The following PTPN14 variants were observed in gnomAD, a reference collection of about 807,000 sequenced individuals.
PTPN14 encodes tyrosine-protein phosphatase non-receptor type 14.
Under a neutral mutation model 126.8 loss-of-function variants are expected in PTPN14, and 53 were observed. The observed-to-expected ratio is 0.42, with a 90% CI of 0.34 to 0.53. The LOEUF is 0.53. PTPN14 is among the 20% of genes least tolerant of loss of function. The pLI, the probability that PTPN14 is intolerant of heterozygous loss-of-function variation, is 0.08. For missense variants in PTPN14, 1,257 were observed against 1,552.9 expected (o/e 0.81, Z 3.20); for synonymous variants, 630 against 599.3 (o/e 1.05, Z -0.75).
intron 1 of PTPN14, among the ~76,000 whole-genome samples, chr1:214,539,273 A>G (rs1341034029): frequency 6.6e-6 from 1 of 152,046 alleles, no homozygotes; most frequent in South Asian, 2.1e-4. Flanking sequence ...CATAACATAG[A>G]TTTTTTTTAA....
intron 3 of PTPN14, among the ~76,000 whole-genome samples, chr1:214,431,907 G>A (rs569423723): frequency 8.5e-5 from 13 of 152,328 alleles, no homozygotes; most frequent in African/African-American, 2.9e-4. Context: ...TCAGCCAAGC[G>A]CAGTGGCTCA....
intron 3 of PTPN14, among the ~76,000 whole-genome samples, chr1:214,431,918 C>T (rs917314873): frequency 1.3e-5 from 2 of 152,212 alleles, no homozygotes; most frequent in East Asian, 1.9e-4. Context: ...CAGTGGCTCA[C>T]GCCTATAATC....
chr1:214,431,921 C>T (rs1571996269), intron 3 of PTPN14, among the ~76,000 whole-genome samples: 2 of 152,334 alleles, frequency 1.3e-5, no homozygotes, highest in African/African-American at 2.4e-5. Context: ...TGGCTCACGC[C>T]TATAATCCTA....
At chr1:214,523,122 C>A (rs1655299855) in intron 1 of PTPN14, among the ~76,000 whole-genome samples, 1 of 152,138 alleles carries the variant, frequency 6.6e-6, no homozygotes, top group Non-Finnish European at 1.5e-5. Context: ...TACATTGTCA[C>A]AATATAGGAT....
rs1320692007 is a variant in PTPN14 at position 214,394,900 on chromosome 1, G to A, written c.845C>T (p.Thr282Met). The part of the protein sequence containing the change: ...INKEETALFH[T>M]DDIENAKYIS... The stretch of plus-strand genomic sequence containing the variant: ...TGACTGTTTGTCTGTTGTGCTTACC[G>A]TGTGAAAGAGGGCAGTCTCTTCTTT... Residue 282 changes from threonine (T) to methionine (M), a missense_variant and splice_region_variant, in exon 9 of 19, where the codon ACG becomes ATG. Transcript: ENST00000366956. 13 of 1,610,210 alleles carry A rather than the reference G, an allele frequency of 8.1e-6. No individual in the cohort carries two copies. The highest frequency in any genetic ancestry group is 9.3e-6 in the Non-Finnish European group (11 of 1,176,630).
intron 3 of PTPN14, among the ~76,000 whole-genome samples, chr1:214,442,843 G>A (rs1250033073): frequency 6.8e-6 from 1 of 147,426 alleles, no homozygotes; most frequent in Non-Finnish European, 1.5e-5. Flanking sequence ...TTCTCTTTGA[G>A]ACGGAGTTTC....
chr1:214,405,089 G>A (rs939181044), intron 5 of PTPN14, among the ~76,000 whole-genome samples: 4 of 152,120 alleles, frequency 2.6e-5, no homozygotes, highest in East Asian at 1.9e-4. Flanking sequence ...ATTTCCATTC[G>A]GAAAGGATGG....
In PTPN14 at chr1:214,357,683, A is replaced by G; in HGVS notation, c.*239T>C. 2.7e-6 allele frequency: 1 copy of G among 364,814 alleles called. No homozygotes were observed. The highest frequency in any genetic ancestry group is 4.3e-5 in the South Asian group (1 of 23,354). 22.6% of individuals were successfully genotyped at this position (364,814 alleles called of 1,614,324 possible). A position where few individuals can be genotyped will look rare whatever the true frequency, so the allele number is the denominator to read the frequency against. ...AGATGTGGTTCAAATGAAAAGTACT[A>G]TATTACTAGGGAAACTGCATTATAA... On this transcript the variant is annotated 3_prime_UTR_variant, in exon 19 of 19. Coordinates refer to ENST00000366956, the MANE Select transcript of PTPN14 (RefSeq NM_005401.5).
intron 13 of PTPN14, among the ~76,000 whole-genome samples, chr1:214,382,354 T>C (rs1658494145): frequency 6.7e-6 from 1 of 149,544 alleles, no homozygotes; most frequent in Non-Finnish European, 1.5e-5. Flanking sequence ...TGAGGTTTAG[T>C]CCTGTCATCC....
chr1:214,543,673 C>T (rs1007760621), intron 1 of PTPN14, among the ~76,000 whole-genome samples: 4 of 151,966 alleles, frequency 2.6e-5, no homozygotes, highest in African/African-American at 9.7e-5. Context: ...GCTCTGTCTC[C>T]CAGGCTGGTG....
intron 1 of PTPN14, among the ~76,000 whole-genome samples, chr1:214,521,326 G>A (rs1349053172): frequency 6.6e-6 from 1 of 152,192 alleles, no homozygotes; most frequent in Non-Finnish European, 1.5e-5. Context: ...ATATAGAAAA[G>A]AGCCCTCTGA....
rs571327486 is a variant in PTPN14, at chr1:214,410,289, CT to C, written c.510+1394del. On this transcript the variant is annotated intron_variant, in intron 5 of 18. Coordinates refer to ENST00000366956, the MANE Select transcript of PTPN14 (RefSeq NM_005401.5). ...ATACTTTCAGGTCTTACATTTAAGT[CT>C]TTTTTTTTTCTTTTTTTTTTTTTGA... Among the ~76,000 whole-genome samples the C allele has an allele frequency of 2.9e-4, 42 of 142,376 alleles. No homozygotes were observed. The South Asian group carries it at 5.1e-3, about 17-fold the overall frequency. The allele number at this position is 142,376 out of a possible 152,430, so 93.4% of individuals were successfully genotyped here.
At chr1:214,438,371 C>T (rs1659965893) in intron 3 of PTPN14, among the ~76,000 whole-genome samples, 1 of 152,202 alleles carries the variant, frequency 6.6e-6, no homozygotes, top group Non-Finnish European at 1.5e-5. Context: ...GATCTGCTCC[C>T]TCATATGGGA....
In PTPN14 at chr1:214,506,522, A is replaced by AAAATAAATAAATAAATAAAT. The variant is rs374058238; in HGVS notation, c.-154-41585_-154-41566dup. Among the ~76,000 whole-genome samples the AAAATAAATAAATAAATAAAT allele has an allele frequency of 4.9e-3, 742 of 150,786 alleles. 5 individuals carry two copies. Among genetic ancestry groups the AAAATAAATAAATAAATAAAT allele is most frequent in the African/African-American group, 0.017 (696 of 40,272 alleles). The stretch of plus-strand genomic sequence containing the variant: ...ATAGAGATCCTGTGTCTAAAAGAAG[A>AAAATAAATAAATAAATAAAT]AAATAAATAAATAAATAAATATAAA... On this transcript the variant is annotated intron_variant, in intron 1 of 18. Coordinates refer to ENST00000366956, the MANE Select transcript of PTPN14 (RefSeq NM_005401.5).
In PTPN14 at chr1:214,411,863, C is replaced by T. The variant is rs568892903; in HGVS notation, c.443-112G>A. The T allele has an allele frequency of 7.0e-4, 388 of 553,836 alleles. 1 individual carries two copies. The Middle Eastern group carries it at 8.9e-3, about 13-fold the overall frequency. The allele number at this position is 553,836 out of a possible 1,614,324, so 34.3% of individuals were successfully genotyped here. On this transcript the variant is annotated intron_variant, in intron 4 of 18. Transcript: ENST00000366956. ...TCTTCACATTTCATCCTATTTCTCA[C>T]TATTATTAAATAAAAATAGTGCCAA...
At chr1:214,362,981 T>C (rs1657991263) in intron 18 of PTPN14, among the ~76,000 whole-genome samples, 1 of 152,252 alleles carries the variant, frequency 6.6e-6, no homozygotes, top group Non-Finnish European at 1.5e-5. Flanking sequence ...TCTTATTTTG[T>C]CTTCCTAGCA....
intron 1 of PTPN14, chr1:214,532,284 G>A (rs1442790460): frequency 6.3e-6 from 3 of 476,046 alleles, no homozygotes; most frequent in Non-Finnish European, 1.2e-5. Context: ...CGTGGCCAGA[G>A]CCTATGCACG....
rs1466441682 is a variant in PTPN14, at chr1:214,351,290, TAAAAAAAAAAAAAAAAAG to T, written c.*6614_*6631del. ...AGGAGTGAGACACGATCTCAAAAAC[TAAAAAAAAAAAAAAAAAG>T]AAAAAGAAAAAAAAAAAGGCAGCAG... On this transcript the variant is annotated 3_prime_UTR_variant, in exon 19 of 19. Coordinates refer to ENST00000366956, the MANE Select transcript of PTPN14 (RefSeq NM_005401.5). 9.7e-5 allele frequency: 6 copies of T among 61,710 alleles called. No individual in the cohort carries two copies. Among genetic ancestry groups the T allele is most frequent in the African/African-American group, 3.4e-4 (6 of 17,662 alleles). 3.8% of individuals were successfully genotyped at this position (61,710 alleles called of 1,614,324 possible).
chr1:214,495,221 T>C (rs1661332949), intron 1 of PTPN14, among the ~76,000 whole-genome samples: 1 of 152,246 alleles, frequency 6.6e-6, no homozygotes, highest in Non-Finnish European at 1.5e-5. Flanking sequence ...TTAAACTCTC[T>C]GAGCGTTGGT....
Sources: gnomAD v4.1 joint callset for allele counts (sites outside exome capture counted in the v4.1 genomes callset) on GRCh38, gnomAD v4.1.1 for gene constraint, MANE v1.5 for transcripts, NCBI Gene and HGNC (gene_info 2026-07-23, HGNC 2026-07-21) for gene names.